ATRX: variants seen among roughly 807,000 people sequenced by gnomAD.
ATRX encodes the protein chromatin remodeler ATRX.
In ATRX, 12 loss-of-function variants were observed where a neutral mutation model predicts 172.6. That is an observed-to-expected ratio of 0.07 (90% CI 0.04 to 0.11). The LOEUF (loss-of-function observed/expected upper bound fraction) is 0.11. Ranked by LOEUF, ATRX falls within the 10% of genes least tolerant of loss-of-function variation. The pLI is 1.00. For missense variants in ATRX, 1,368 were observed against 1,767.4 expected, an observed-to-expected ratio of 0.77 and a Z score of 4.05; for synonymous variants, 674 against 594.7, an observed-to-expected ratio of 1.13 and a Z score of -1.94.
chrX:77,558,914 G>T (rs1557060485), intron 28 of ATRX, 68 bp from the exon 29 acceptor site: 1 of 917,300 alleles, frequency 1.1e-6, no homozygotes, highest in South Asian at 2.2e-5. Context: ...ATTACAATAT[G>T]ACTTTTTGAT....
At position 77,681,978 on chromosome X, in the gene ATRX, C is replaced by G. The variant is rs1557137763; in HGVS notation, c.3278G>C (p.Arg1093Thr). The stretch of plus-strand genomic sequence containing the variant: ...TGAACTCTTTCCAAGCAACTTGCAC[C>G]TTTTCTTCTCTCTACCATATGCTCC... ...KNGAYGREKK[R>T]CKLLGKSSRK... is the part of the protein sequence containing the mutation. The change falls in exon 9 of 35, where the codon AGG (arginine) becomes ACG (threonine). Residue 1093 changes from arginine (R) to threonine (T), a missense_variant. By Grantham distance (71) the Arg-to-Thr change is moderately conservative. Transcript: ENST00000373344. 5.0e-6 allele frequency: 6 copies of G among 1,210,137 alleles called. No homozygotes were observed. The highest frequency in any genetic ancestry group is 6.7e-6 in the Non-Finnish European group (6 of 894,407).
chrX:77,744,409 G>C (rs782106283), intron 1 of ATRX, among the ~76,000 whole-genome samples: 1 of 112,021 alleles, frequency 8.9e-6, no homozygotes, highest in Admixed American at 9.5e-5. Context: ...CCCTCACCAT[G>C]AAAGTAAATT....
intron 1 of ATRX, among the ~76,000 whole-genome samples, chrX:77,731,770 G>A (rs1436256243): frequency 1.8e-5 from 2 of 110,708 alleles, no homozygotes; most frequent in Non-Finnish European, 3.8e-5. Flanking sequence ...GGGAAGAAAC[G>A]GCCGGACTTC....
rs782084271 is a variant in ATRX, at chrX:77,557,786, C to A, written c.6505-141G>T. On this transcript the variant is annotated intron_variant, in intron 29 of 34. Transcript: ENST00000373344. ...ATTGCCATAAAGAAAAACTCATCAG[C>A]AATTTTGCTTAATTCATGAAAGATT... is the stretch of plus-strand genomic sequence containing the variant. 82 of 509,027 alleles carry A rather than the reference C, an allele frequency of 1.6e-4. 1 individual carries two copies. The South Asian group carries it at 3.0e-3, about 19-fold the overall frequency. 41.9% of individuals were successfully genotyped at this position (509,027 alleles called of 1,213,427 possible). A position where few individuals can be genotyped will look rare whatever the true frequency, so the allele number is the denominator to read the frequency against.
At chrX:77,558,600 T>A (rs2147945693) in intron 29 of ATRX, 69 bp downstream of exon 29, 2 of 970,002 alleles carry the variant, frequency 2.1e-6, no homozygotes, top group Non-Finnish European at 2.9e-6. Flanking sequence ...TACACATATG[T>A]TCCATATCTC....
intron 2 of ATRX, among the ~76,000 whole-genome samples, chrX:77,705,498 T>G (rs1045148602): frequency 8.9e-6 from 1 of 112,096 alleles, no homozygotes; most frequent in African/African-American, 3.2e-5. Context: ...TCACCAATAC[T>G]CCACAAACTA....
chrX:77,768,205 C>T (rs1396772408), intron 1 of ATRX, among the ~76,000 whole-genome samples: 1 of 111,837 alleles, frequency 8.9e-6, no homozygotes, highest in Non-Finnish European at 1.9e-5. Flanking sequence ...AAGTTATTAT[C>T]GCTTAATGGA....
chrX:77,584,533 T>C (rs782804154), intron 27 of ATRX, among the ~76,000 whole-genome samples: 54 of 111,434 alleles, frequency 4.8e-4, no homozygotes, highest in Non-Finnish European at 3.8e-4. Flanking sequence ...TTTGACAAAG[T>C]TGCCATGAAT....
At chrX:77,563,072 T>C (rs924380454) in intron 28 of ATRX, among the ~76,000 whole-genome samples, 1 of 112,601 alleles carries the variant, frequency 8.9e-6, no homozygotes, top group Admixed American at 9.4e-5. Context: ...CTAAGAGTCT[T>C]TCACAGACAA....
intron 27 of ATRX, among the ~76,000 whole-genome samples, chrX:77,584,428 T>C (rs373303175): frequency 4.5e-5 from 5 of 111,637 alleles, no homozygotes; most frequent in East Asian, 2.8e-4. Context: ...TACAGAACTA[T>C]AGTAACCAAA....
intron 1 of ATRX, among the ~76,000 whole-genome samples, chrX:77,739,068 G>A (rs1190195463): frequency 2.7e-5 from 3 of 110,478 alleles, no homozygotes; most frequent in Non-Finnish European, 5.7e-5. Context: ...TAATTTCTGA[G>A]ATTTTGTTGC....
chrX:77,635,038 T>C (rs1350274053), intron 16 of ATRX, among the ~76,000 whole-genome samples: 1 of 111,564 alleles, frequency 9.0e-6, no homozygotes, highest in Non-Finnish European at 1.9e-5. Context: ...TCCAAGCACT[T>C]TGGAAGGCCG....
intron 1 of ATRX, among the ~76,000 whole-genome samples, chrX:77,750,886 T>C (rs1291888178): frequency 8.9e-6 from 1 of 112,059 alleles, no homozygotes; most frequent in East Asian, 2.8e-4. Flanking sequence ...TGCATAGTAT[T>C]TCATGGTGTA....
In ATRX at chrX:77,563,702, C is replaced by CGTGTGTGTGT. The variant is rs201190876; in HGVS notation, c.6327-4866_6327-4857dup. On this transcript the variant is annotated intron_variant, in intron 28 of 34. Transcript: ENST00000373344. ...GGAGTTAAGAACTTGTGTGTACATG[C>CGTGTGTGTGT]GTGTGTGTGTGTGTGTGTGTGTGTG... Among the ~76,000 whole-genome samples the CGTGTGTGTGT allele has an allele frequency of 3.0e-4, 29 of 95,515 alleles. 1 individual carries two copies. Among genetic ancestry groups the CGTGTGTGTGT allele is most frequent in the Admixed American group, 7.1e-4 (6 of 8,484 alleles). 82.9% of individuals were successfully genotyped at this position (95,515 alleles called of 115,157 possible).
rs184740969 is a variant in ATRX at position 77,715,794 on chromosome X, A to C, written c.133+1337T>G. Among the ~76,000 whole-genome samples the C allele has an allele frequency of 1.8e-5, 2 of 111,267 alleles. 1 individual carries two copies. Among genetic ancestry groups the C allele is most frequent in the Middle Eastern group, 8.4e-3 (2 of 238 alleles). On this transcript the variant is annotated intron_variant, in intron 2 of 34. Coordinates refer to ENST00000373344, the MANE Select transcript of ATRX (RefSeq NM_000489.6). Reference sequence around the variant, plus strand: ...AAAAATGCTCAGCCCGTATCTCTCCAAATAGGACTTTTAACCAAGTCTCTT... The same window carrying C: ...AAAAATGCTCAGCCCGTATCTCTCCCAATAGGACTTTTAACCAAGTCTCTT...
chrX:77,627,287 C>T (rs1557103709), intron 19 of ATRX, among the ~76,000 whole-genome samples: 2 of 111,253 alleles, frequency 1.8e-5, no homozygotes, highest in Non-Finnish European at 3.8e-5. Flanking sequence ...ATTAATAACC[C>T]TGAGTCAATG....
chrX:77,741,003 G>C (rs999128417), intron 1 of ATRX, among the ~76,000 whole-genome samples: 2 of 105,610 alleles, frequency 1.9e-5, no homozygotes, highest in Non-Finnish European at 3.9e-5. Flanking sequence ...AGGAGGTCAA[G>C]ACCAGCCTGA....
At chrX:77,601,330 A>G (rs1038779323) in intron 22 of ATRX, among the ~76,000 whole-genome samples, 12 of 109,082 alleles carry the variant, frequency 1.1e-4, no homozygotes, top group Admixed American at 1.1e-3. Context: ...TTAGCCAGGT[A>G]TGATGGCACA....
At chrX:77,513,928 T>C (rs1292825925) in intron 34 of ATRX, among the ~76,000 whole-genome samples, 1 of 110,810 alleles carries the variant, frequency 9.0e-6, no homozygotes, top group Non-Finnish European at 1.9e-5. Flanking sequence ...ACAAAATCAA[T>C]GTACAAAAAT....
Sources: gnomAD v4.1 joint callset for allele counts (sites outside exome capture counted in the v4.1 genomes callset) on GRCh38, gnomAD v4.1.1 for gene constraint, MANE v1.5 for transcripts, NCBI Gene and HGNC (gene_info 2026-07-23, HGNC 2026-07-21) for gene names.